Variants in SPTBN2 observed in about 807,000 individuals in gnomAD.
SPTBN2 encodes spectrin beta, non-erythrocytic 2.
In SPTBN2, 107 loss-of-function variants were observed where a neutral mutation model predicts 284.2. The observed-to-expected ratio is 0.38, with a 90% CI of 0.32 to 0.44. The LOEUF is 0.44. Ranked by LOEUF, SPTBN2 falls within the 20% of genes least tolerant of loss-of-function variation. The probability of loss-of-function intolerance (pLI) is 1.00; values close to 1 mark genes in which losing one functional copy is unlikely to be tolerated. For synonymous variants in SPTBN2, 1,289 were observed against 1,354.8 expected, an observed-to-expected ratio of 0.95 and a Z score of 1.07; for missense variants, 2,569 against 3,287.1, an observed-to-expected ratio of 0.78 and a Z score of 5.34.
chr11:66,702,560 C>CGGCAACTATTCAGCCCTGCTGCTGT (rs1941305080), intron 15 of SPTBN2, among the ~76,000 whole-genome samples: 1 of 152,184 alleles, frequency 6.6e-6, no homozygotes, highest in Non-Finnish European at 1.5e-5. Context: ...GCAGCTGCTG[C>CGGCAACTATTCAGCCCTGCTGCTGT]GGCAACTATT....
chr11:66,706,549 T>C (rs1423859654), intron 13 of SPTBN2, among the ~76,000 whole-genome samples: 1 of 152,154 alleles, frequency 6.6e-6, no homozygotes, highest in Non-Finnish European at 1.5e-5. Context: ...CAGGCTGGTC[T>C]TGGACTCCTG....
intron 37 of SPTBN2, 114 bp from the exon 38 acceptor site, chr11:66,686,218 T>C: frequency 7.2e-7 from 1 of 1,392,506 alleles, no homozygotes; most frequent in Non-Finnish European, 1.0e-6. Context: ...TGTTTCATGC[T>C]ATTAGGAGAA....
intron 1 of SPTBN2, among the ~76,000 whole-genome samples, chr11:66,722,238 G>A (rs1248058181): frequency 5.9e-5 from 9 of 152,066 alleles, no homozygotes. Flanking sequence ...TGGGGTGAGG[G>A]CCCACTGTTG....
chr11:66,736,623 G>C (rs541906083), intron 1 of SPTBN2, among the ~76,000 whole-genome samples: 1 of 152,158 alleles, frequency 6.6e-6, no homozygotes, highest in African/African-American at 2.4e-5. Context: ...AACAAGAAAA[G>C]AAAAAGTGTC....
At chr11:66,716,318 C>T (rs1942146947) in intron 3 of SPTBN2, among the ~76,000 whole-genome samples, 1 of 151,966 alleles carries the variant, frequency 6.6e-6, no homozygotes, top group Non-Finnish European at 1.5e-5. Context: ...CCCGTCTCTA[C>T]TAAAATTACA....
chr11:66,736,517 G>A (rs1333833649), intron 1 of SPTBN2, among the ~76,000 whole-genome samples: 1 of 152,120 alleles, frequency 6.6e-6, no homozygotes, highest in Admixed American at 6.5e-5. Context: ...AGTCAATAAC[G>A]AACCACTTTT....
rs539694565 is a variant in SPTBN2 at position 66,724,797 on chromosome 11, A to T, written c.-113-3357T>A. On this transcript the variant is annotated intron_variant, in intron 1 of 37. Transcript: ENST00000533211. ...TCTGCCTTTGTGTGTCCATGGGCAC[A>T]CACCTCCCTACCTACCCGAGTCTCA... Among the ~76,000 whole-genome samples the T allele has an allele frequency of 9.9e-5, 15 of 152,202 alleles. 1 individual carries two copies. In the South Asian group the frequency reaches 3.1e-3, roughly 32 times the overall value.
In SPTBN2 at chr11:66,687,112, C is replaced by T; in HGVS notation, c.6778G>A (p.Asp2260Asn). 1.2e-6 allele frequency: 2 copies of T among 1,614,118 alleles called. No individual in the cohort carries two copies. The highest frequency in any genetic ancestry group is 2.2e-5 in the East Asian group (1 of 44,882). The change falls in exon 36 of 38, where the codon GAT becomes AAT. Residue 2260 changes from aspartate to asparagine, a missense_variant. Physicochemically the swap from Asp to Asn is conservative, Grantham distance 23. Transcript: ENST00000533211. The surrounding 1 kb of genome is among the most constrained non-coding windows in gnomAD (Gnocchi z 5.2). ...LRRGSLGFYK[D>N]AKAASAGVPY... is the part of the protein sequence containing the mutation. ...ACTCCCGCGCTGGCTGCCTTGGCAT[C>T]CTTGTAAAAGCCGAGGCTCCCACGC... is the stretch of plus-strand genomic sequence containing the variant.
In SPTBN2 at chr11:66,718,770, A is replaced by G. The variant is rs915310500; in HGVS notation, c.157+2314T>C. On this transcript the variant is annotated intron_variant, in intron 3 of 37. Transcript: ENST00000533211. This position sits in a 1 kb window ranked among gnomAD's most constrained non-coding sequence, Gnocchi z 4.8. ...GGGAATTTCAAGGAGTGGCAAAAAGAGTTACGGGGTGTCCCGAACTCCTGA... is the reference window on the plus strand; with the variant it reads ...GGGAATTTCAAGGAGTGGCAAAAAGGGTTACGGGGTGTCCCGAACTCCTGA... Among the ~76,000 whole-genome samples, 1 of 152,200 alleles carries G rather than the reference A, an allele frequency of 6.6e-6. No individual in the cohort carries two copies. The highest frequency in any genetic ancestry group is 2.4e-5 in the African/African-American group (1 of 41,442).
In SPTBN2 at chr11:66,694,285, C is replaced by A; in HGVS notation, c.4357G>T (p.Asp1453Tyr). 6.2e-7 allele frequency: 1 copy of A among 1,614,246 alleles called. No homozygotes were observed. Among genetic ancestry groups the A allele is most frequent in the South Asian group, 1.1e-5 (1 of 91,090 alleles). ...CTCTCCACCTCCCCTGCACCCTGGT[C>A]CTCCTGGGCCAGTGCTTTGGCCTGG... is the stretch of plus-strand genomic sequence containing the variant. ...QAQAKALAQEDQGAGEVERTS... is the reference protein window; with the variant it reads ...QAQAKALAQEYQGAGEVERTS... The change falls in exon 22 of 38, where the codon GAC becomes TAC. Residue 1453 changes from aspartate to tyrosine, a missense_variant. Physicochemically the swap from Asp to Tyr is radical, Grantham distance 160. Coordinates refer to ENST00000533211, the MANE Select transcript of SPTBN2 (RefSeq NM_006946.4).
At chr11:66,692,438 G>C (rs1416780511) in intron 26 of SPTBN2, 98 bp downstream of exon 26, 2 of 1,443,858 alleles carry the variant, frequency 1.4e-6, no homozygotes, top group Non-Finnish European at 9.6e-7. Context: ...TTGCCCCTTA[G>C]CCCCTCAGTG....
chr11:66,701,819 T>C, intron 15 of SPTBN2, 98 bp from the exon 16 acceptor site: 2 of 1,541,450 alleles, frequency 1.3e-6, no homozygotes, highest in East Asian at 2.3e-5. Flanking sequence ...GGGTGTCTCC[T>C]TCACCAGGAG....
intron 1 of SPTBN2, among the ~76,000 whole-genome samples, chr11:66,744,253 G>A (rs1377544969): frequency 1.3e-5 from 2 of 152,232 alleles, no homozygotes; most frequent in African/African-American, 2.4e-5. Context: ...AAAATTCGCT[G>A]TCTATATGAA....
chr11:66,713,939 A>G, intron 7 of SPTBN2, 152 bp downstream of exon 7: 1 of 906,954 alleles, frequency 1.1e-6, no homozygotes, highest in South Asian at 1.4e-5. Flanking sequence ...TGCTCTGCGC[A>G]GCCCTGCACC....
rs531439641 is a variant in SPTBN2 at position 66,719,408 on chromosome 11, T to C, written c.157+1676A>G. 4.6e-5 allele frequency among the ~76,000 whole-genome samples: 7 copies of C among 152,332 alleles called. No homozygotes were observed. In the South Asian group the frequency reaches 1.0e-3, roughly 23 times the overall value. On this transcript the variant is annotated intron_variant, in intron 3 of 37. Transcript: ENST00000533211. ...AGCGTTTGTCATGTGCAGCCTACAC[T>C]TGCCCTTCCTCATCTTCATTCATTC...
rs772686315 is a variant in SPTBN2, at chr11:66,691,639, C to T, written c.5210G>A (p.Arg1737Gln). 3.1e-5 allele frequency: 50 copies of T among 1,613,674 alleles called. No individual in the cohort carries two copies. The highest frequency in any genetic ancestry group is 2.9e-4 in the South Asian group (26 of 91,094). ...GGTGCTTGTGTCCCGGGAGAACTCT[C>T]GGAATTTGTCTCGGAGCATCTGGTA... ...EHVTMLRDKF[R>Q]EFSRDTSTIG... Residue 1737 changes from arginine to glutamine, a missense_variant, in exon 27 of 38, where the codon CGA (arginine) becomes CAA (glutamine). Around this residue, in one of 6 missense-constraint regions of SPTBN2, gnomAD observed 1,130 missense variants for 1,317.3 expected, o/e 0.86. Transcript: ENST00000533211. This position sits in a 1 kb window ranked among gnomAD's most constrained non-coding sequence, Gnocchi z 8.0.
At chr11:66,692,851 T>A in intron 25 of SPTBN2, 111 bp from the exon 26 acceptor site, 10 of 1,595,790 alleles carry the variant, frequency 6.3e-6, no homozygotes, top group Non-Finnish European at 8.5e-6. Context: ...GCCCACCCTG[T>A]GTTCCAGCTT....
chr11:66,698,735 A>G lies in SPTBN2; in HGVS notation c.3918T>C (p.Tyr1306=). The G allele has an allele frequency of 6.2e-7, 1 of 1,614,240 alleles. No individual in the cohort carries two copies. Among genetic ancestry groups the G allele is most frequent in the Non-Finnish European group, 8.5e-7 (1 of 1,180,052 alleles). The part of the protein sequence containing the change: ...EKMLTAQDVS[Y]DEARNLHTKW... ...TAGTATGCAGGTTGCGGGCCTCGTCATAGGACACGTCCTGGGCTGTCAGCA... is the reference window on the plus strand; with the variant it reads ...TAGTATGCAGGTTGCGGGCCTCGTCGTAGGACACGTCCTGGGCTGTCAGCA... The change falls in exon 20 of 38, where the codon TAT becomes TAC. Residue 1306 remains tyrosine, a synonymous_variant. Coordinates refer to ENST00000533211, the MANE Select transcript of SPTBN2 (RefSeq NM_006946.4).
At chr11:66,736,109 A>G (rs1942849992) in intron 1 of SPTBN2, among the ~76,000 whole-genome samples, 1 of 152,190 alleles carries the variant, frequency 6.6e-6, no homozygotes, top group Non-Finnish European at 1.5e-5. Context: ...GCCAAGATAA[A>G]GTGCCACATC....
Sources: allele counts gnomAD v4.1 joint callset (sites outside exome capture counted in the v4.1 genomes callset), GRCh38; gene constraint gnomAD v4.1.1; regional missense constraint gnomAD v4.1.1; non-coding constraint Gnocchi (gnomAD v3.1); transcripts MANE v1.5; gene names NCBI Gene and HGNC (gene_info 2026-07-23, HGNC 2026-07-21).